The following PCSK4 variants were observed in gnomAD, a reference collection of about 807,000 sequenced individuals.
PCSK4 encodes proprotein convertase subtilisin/kexin type 4, also known as testicular tissue protein Li 135.
PCSK4 carries 64 observed loss-of-function variants against 80.3 expected under a neutral mutation model. The observed-to-expected ratio is 0.80, with a 90% CI of 0.65 to 0.98. PCSK4 has a LOEUF of 0.98. Ranked by LOEUF, PCSK4 falls within the 50% of genes least tolerant of loss-of-function variation. The pLI is 0.00. For synonymous variants in PCSK4, 561 were observed against 487.6 expected (o/e 1.15, Z -1.98); for missense variants, 1,213 against 1,093.6 (o/e 1.11, Z -1.54).
exon 10 of PCSK4, chr19:1,483,868 C>A: frequency 2.7e-6 from 4 of 1,497,746 alleles, no homozygotes; most frequent in Non-Finnish European, 3.5e-6. Context: ...GTCCTCCAGT[C>A]CTCGGCCTGC....
rs760055157 is a variant in PCSK4 at position 1,488,106 on chromosome 19, C to A, written c.388-14G>T. 2 of 1,612,646 alleles carry A rather than the reference C, an allele frequency of 1.2e-6. No homozygotes were observed. Among genetic ancestry groups the A allele is most frequent in the Admixed American group, 3.3e-5 (2 of 60,004 alleles). ...GGCCTCGCTGTTCTGCAGGGGGAGGCGGGGTTGTGACCCTGTGAGGGCCTG... is the reference window on the plus strand; with the variant it reads ...GGCCTCGCTGTTCTGCAGGGGGAGGAGGGGTTGTGACCCTGTGAGGGCCTG... On this transcript the variant is annotated splice_polypyrimidine_tract_variant and intron_variant, in intron 3 of 14. Coordinates refer to ENST00000300954, the Ensembl canonical transcript of PCSK4.
chr19:1,488,251 C>T (rs1202552217), exon 3 of PCSK4: 1 of 1,613,432 alleles, frequency 6.2e-7, no homozygotes, highest in Non-Finnish European at 8.5e-7. Flanking sequence ...TCACCCGCCG[C>T]TGCAGCGTCT....
rs761407343 is a variant in PCSK4, at chr19:1,487,869, C to T, written c.517-8G>A. On this transcript the variant is annotated splice_region_variant and splice_polypyrimidine_tract_variant and intron_variant, in intron 4 of 14. Coordinates refer to ENST00000300954, the Ensembl canonical transcript of PCSK4. ...ATAGCTGGCCAGGGGGTCCTGGGGGCAGGTGGGGATATGAGGGGGCCGGGA... is the reference window on the plus strand; with the variant it reads ...ATAGCTGGCCAGGGGGTCCTGGGGGTAGGTGGGGATATGAGGGGGCCGGGA... The T allele has an allele frequency of 1.9e-6, 3 of 1,541,376 alleles. No homozygotes were observed. Among genetic ancestry groups the T allele is most frequent in the Non-Finnish European group, 1.8e-6 (2 of 1,137,576 alleles).
intron 2 of PCSK4, among the ~76,000 whole-genome samples, chr19:1,488,905 C>T (rs2084787157): frequency 2.0e-5 from 3 of 152,142 alleles, no homozygotes; most frequent in Non-Finnish European, 4.4e-5. Context: ...CAAACCACAT[C>T]AGGAACTGGC....
chr19:1,488,691 C>A (rs1445554345), intron 2 of PCSK4, among the ~76,000 whole-genome samples: 1 of 152,114 alleles, frequency 6.6e-6, no homozygotes, highest in East Asian at 1.9e-4. Flanking sequence ...AGCGATTCTC[C>A]TACCTCAGCC....
intron 6 of PCSK4, 134 bp from the exon 7 acceptor site, chr19:1,487,447 G>C: frequency 1.0e-6 from 1 of 988,136 alleles, no homozygotes; most frequent in South Asian, 1.6e-5. Flanking sequence ...GGGACCATTC[G>C]TATTGGCTCA....
exon 1 of PCSK4, chr19:1,490,289 G>T: frequency 3.2e-6 from 5 of 1,584,276 alleles, no homozygotes; most frequent in Admixed American, 1.8e-5. Context: ...GCCCGGGGGC[G>T]GACAAGGGCC....
exon 15 of PCSK4, chr19:1,482,048 C>T (rs1454565425): frequency 7.1e-6 from 11 of 1,559,074 alleles, no homozygotes; most frequent in African/African-American, 2.7e-5. Context: ...GGAGCCGCCG[C>T]GGCAGGTGTA....
rs770934996 is a variant in PCSK4 at position 1,483,810 on chromosome 19, TCCCCGC to T, written c.1273+22_1273+27del. ...AGTCACTCGCCCCGTGGGCCCCGGG[TCCCCGC>T]CCCCGCCCGGCCCCGCCGCACCTTG... is the stretch of plus-strand genomic sequence containing the variant. On this transcript the variant is annotated intron_variant, in intron 10 of 14. Coordinates refer to ENST00000300954, the Ensembl canonical transcript of PCSK4. 1.1e-5 allele frequency: 17 copies of T among 1,494,384 alleles called. No homozygotes were observed. The South Asian group carries it at 2.1e-4, about 18-fold the overall frequency. 92.6% of individuals were successfully genotyped at this position (1,494,384 alleles called of 1,614,324 possible).
intron 2 of PCSK4, 186 bp downstream of exon 2, chr19:1,489,607 C>T (rs772091292): frequency 1.9e-6 from 2 of 1,066,894 alleles, no homozygotes; most frequent in East Asian, 2.7e-5. Context: ...CCCTGGCAGG[C>T]GCCATGATTT....
At chr19:1,487,027 C>A in exon 8 of PCSK4, 1 of 1,608,104 alleles carries the variant, frequency 6.2e-7, no homozygotes, top group Non-Finnish European at 8.5e-7. Flanking sequence ...CGCCGTTGCC[C>A]GAGGCCCAGA....
At position 1,481,964 on chromosome 19, in the gene PCSK4, GT is replaced by G. The variant is rs754688808; in HGVS notation, c.2062del (p.Thr688ProfsTer25). ...TCTAAGCCGGGGGCGGCTGTCGGGG[GT>G]GGTGGGTCCCATGCAGGAGCCCTGC... On this transcript the variant is annotated frameshift_variant, in exon 15 of 15. Coordinates refer to ENST00000300954, the Ensembl canonical transcript of PCSK4. LOFTEE classifies it low-confidence loss of function (END_TRUNC). 5.8e-5 allele frequency: 92 copies of G among 1,595,454 alleles called. No homozygotes were observed. Among genetic ancestry groups the G allele is most frequent in the African/African-American group, 1.3e-5 (1 of 74,702 alleles).
Position 1,483,372 on chromosome 19 carries a change from G to A in PCSK4, c.1483C>T (p.Gln495Ter). 6.2e-7 allele frequency: 1 copy of A among 1,608,118 alleles called. No individual in the cohort carries two copies. Among genetic ancestry groups the A allele is most frequent in the Non-Finnish European group, 8.5e-7 (1 of 1,179,622 alleles). ...CGCCGGCTGTAGGACAGCGTCAGCT[G>A]CGCCTGCACGTGCTCCAGCGAGCGG... is the stretch of plus-strand genomic sequence containing the variant. Residue 495 changes from glutamine (Q) to a stop codon, truncating the protein, a stop_gained, in exon 12 of 15, where the codon CAG (glutamine) becomes TAG (stop). Transcript: ENST00000300954. LOFTEE classifies it high-confidence loss of function.
At position 1,483,632 on chromosome 19, in the gene PCSK4, G is replaced by A. The variant is rs566119678; in HGVS notation, c.1391+18C>T. The A allele has an allele frequency of 6.4e-7, 1 of 1,552,628 alleles. No homozygotes were observed. Among genetic ancestry groups the A allele is most frequent in the Non-Finnish European group, 8.7e-7 (1 of 1,148,758 alleles). Reference sequence around the variant, plus strand: ...ACACCCCCAGCGGGGATAGCGGAGGGGCGCGCAGGGGTCTCACGTGGGGCG... The same window carrying A: ...ACACCCCCAGCGGGGATAGCGGAGGAGCGCGCAGGGGTCTCACGTGGGGCG... On this transcript the variant is annotated intron_variant, in intron 11 of 14. Coordinates refer to ENST00000300954, the Ensembl canonical transcript of PCSK4.
At chr19:1,482,438 C>A (rs770265761) in exon 14 of PCSK4, 2 of 1,608,108 alleles carry the variant, frequency 1.2e-6, no homozygotes, top group South Asian at 1.1e-5. Context: ...TGTCCTCGGC[C>A]GTCCCATAGA....
chr19:1,483,727 C>T, exon 11 of PCSK4: 1 of 1,595,212 alleles, frequency 6.3e-7, no homozygotes, highest in South Asian at 1.1e-5. Context: ...TGTCCACCAG[C>T]AGCCCGGCGT....
At chr19:1,483,438 T>C in exon 12 of PCSK4, 1 of 1,596,452 alleles carries the variant, frequency 6.3e-7, no homozygotes, top group Non-Finnish European at 8.5e-7. Context: ...ACGTTTTCCC[T>C]GATGTAGATC....
At chr19:1,488,223 GCAC>G in exon 3 of PCSK4, 3 of 1,613,334 alleles carry the variant, frequency 1.9e-6, no homozygotes, top group Non-Finnish European at 2.5e-6. Context: ...GGGTCCGTGG[GCAC>G]CACGACAGAG....
At chr19:1,482,277 C>T in intron 14 of PCSK4, 70 bp from the exon 15 acceptor site, 1 of 1,529,626 alleles carries the variant, frequency 6.5e-7, no homozygotes, top group Admixed American at 2.0e-5. Context: ...CACCCGCCCG[C>T]CTGGGGCCAC....
Sources: allele counts gnomAD v4.1 joint callset (sites outside exome capture counted in the v4.1 genomes callset), GRCh38; gene constraint gnomAD v4.1.1; transcripts MANE v1.5; gene names NCBI Gene and HGNC (gene_info 2026-07-23, HGNC 2026-07-21).